STOX1: variants seen among roughly 807,000 people sequenced by gnomAD.
STOX1 encodes the protein storkhead box 1, also known as storkhead-box protein 1.
A neutral mutation model predicts 74.8 loss-of-function variants in STOX1; 57 were observed. The ratio of observed to expected loss-of-function variants is 0.76; its 90% CI spans 0.62 to 0.95. The LOEUF is 0.95. Ranked by LOEUF, STOX1 falls within the 40% of genes least tolerant of loss-of-function variation. The pLI is 0.00. For synonymous variants in STOX1, 375 were observed against 401.3 expected (o/e 0.93, Z 0.78); for missense variants, 1,010 against 1,117.0 (o/e 0.90, Z 1.37).
Position 68,843,953 on chromosome 10 carries a change from G to A in STOX1, c.310+16020G>A, listed in dbSNP as rs572829023. On this transcript the variant is annotated intron_variant, in intron 1 of 3. Transcript: ENST00000298596. ...CCCAGCACTTTGGGAGGCCGAGGCG[G>A]GTGGATCACAAGGTCAGGAGATCGA... 3.9e-5 allele frequency among the ~76,000 whole-genome samples: 6 copies of A among 152,186 alleles called. No homozygotes were observed. The East Asian group carries it at 5.9e-4, about 15-fold the overall frequency.
intron 1 of STOX1, among the ~76,000 whole-genome samples, chr10:68,853,719 T>C (rs75393971): frequency 1.3e-5 from 2 of 152,106 alleles, no homozygotes; most frequent in African/African-American, 2.4e-5. Flanking sequence ...GGAGTTTCAC[T>C]CTTGCTGCCA....
intron 1 of STOX1, among the ~76,000 whole-genome samples, chr10:68,855,545 C>A (rs964855441): frequency 6.6e-6 from 1 of 151,816 alleles, no homozygotes. Context: ...CTTAAGCGAT[C>A]CTCCCGCCTC....
Position 68,860,832 on chromosome 10 carries a change from A to G in STOX1, c.311-21126A>G, listed in dbSNP as rs140205056. ...AGTAGGGCTAGTAGAAGGCTTTGGCAGTGTATGTTCCTTCTTCTTAGGTGA... is the reference window on the plus strand; with the variant it reads ...AGTAGGGCTAGTAGAAGGCTTTGGCGGTGTATGTTCCTTCTTCTTAGGTGA... On this transcript the variant is annotated intron_variant, in intron 1 of 3. Transcript: ENST00000298596. Among the ~76,000 whole-genome samples, 85 of 152,190 alleles carry G rather than the reference A, an allele frequency of 5.6e-4. 2 individuals are homozygous for G. Among genetic ancestry groups the G allele is most frequent in the African/African-American group, 2.0e-3 (82 of 41,446 alleles).
intron 1 of STOX1, among the ~76,000 whole-genome samples, chr10:68,841,138 G>A (rs534285417): frequency 1.7e-3 from 252 of 151,824 alleles, no homozygotes; most frequent in African/African-American, 5.3e-3. Context: ...GTAGAGACGC[G>A]GTTTCACCAT....
At position 68,885,317 on chromosome 10, in the gene STOX1, A is replaced by G; in HGVS notation, c.1521A>G (p.Ile507Met). 3.1e-6 allele frequency: 5 copies of G among 1,614,212 alleles called. No individual in the cohort carries two copies. Among genetic ancestry groups the G allele is most frequent in the Non-Finnish European group, 4.2e-6 (5 of 1,180,032 alleles). ...FQGLSHRGST[I>M]SKGHKIQKTS... is the part of the protein sequence containing the mutation. ...GTTTGTCTCACCGAGGAAGCACAAT[A>G]TCCAAAGGGCACAAAATTCAGAAGA... is the stretch of plus-strand genomic sequence containing the variant. Residue 507 changes from isoleucine to methionine, a missense_variant, in exon 3 of 4, where the codon ATA becomes ATG. Transcript: ENST00000298596.
chr10:68,839,867 T>TC (rs1839650461), intron 1 of STOX1, among the ~76,000 whole-genome samples: 2 of 151,918 alleles, frequency 1.3e-5, no homozygotes, highest in Non-Finnish European at 2.9e-5. Context: ...AGAGTGAGAC[T>TC]CCGTTTCAAA....
intron 1 of STOX1, among the ~76,000 whole-genome samples, chr10:68,858,404 T>C (rs376719138): frequency 1.3e-5 from 2 of 152,122 alleles, no homozygotes; most frequent in East Asian, 1.9e-4. Context: ...CACCCAGATA[T>C]AACCTGAAAC....
chr10:68,856,607 G>T (rs577124666), intron 1 of STOX1, among the ~76,000 whole-genome samples: 1 of 152,034 alleles, frequency 6.6e-6, no homozygotes, highest in African/African-American at 2.4e-5. Flanking sequence ...AGATCAGCTG[G>T]GGTAGGAAGG....
intron 1 of STOX1, among the ~76,000 whole-genome samples, chr10:68,880,320 A>G (rs770530200): frequency 9.9e-5 from 15 of 151,970 alleles, no homozygotes; most frequent in Non-Finnish European, 1.9e-4. Context: ...CAGCTACGAC[A>G]GGCACACCAC....
chr10:68,879,901 T>C (rs547573777), intron 1 of STOX1, among the ~76,000 whole-genome samples: 1 of 152,256 alleles, frequency 6.6e-6, no homozygotes, highest in African/African-American at 2.4e-5. Context: ...TGGCTACTTA[T>C]CCCAGTTTGC....
intron 3 of STOX1, among the ~76,000 whole-genome samples, chr10:68,891,006 A>C (rs1464790907): frequency 3.9e-5 from 6 of 152,324 alleles, no homozygotes; most frequent in African/African-American, 1.4e-4. Flanking sequence ...ATGGTGGTGT[A>C]AACCAAAAAG....
At chr10:68,852,042 C>T (rs1472204538) in intron 1 of STOX1, among the ~76,000 whole-genome samples, 2 of 151,712 alleles carry the variant, frequency 1.3e-5, no homozygotes, top group African/African-American at 4.8e-5. Context: ...GCTGAGGTAG[C>T]AGAAACGCTT....
intron 1 of STOX1, among the ~76,000 whole-genome samples, chr10:68,859,570 T>A (rs2133556259): frequency 6.6e-6 from 1 of 152,204 alleles, no homozygotes; most frequent in South Asian, 2.1e-4. Context: ...ATTTAGTGTG[T>A]TGTCAAATCC....
chr10:68,832,537 G>A (rs1839437495), intron 1 of STOX1, among the ~76,000 whole-genome samples: 1 of 152,080 alleles, frequency 6.6e-6, no homozygotes, highest in Non-Finnish European at 1.5e-5. Flanking sequence ...GCCCGGCATG[G>A]TGGCACGTGC....
At chr10:68,828,865 T>A (rs1405769914) in intron 1 of STOX1, 18 of 548,966 alleles carry the variant, frequency 3.3e-5, no homozygotes, top group Non-Finnish European at 4.2e-5. Context: ...ACCTTCCCAG[T>A]CTTTTCAAAC....
intron 1 of STOX1, among the ~76,000 whole-genome samples, chr10:68,869,094 C>T (rs1374652004): frequency 1.3e-5 from 2 of 152,186 alleles, no homozygotes; most frequent in East Asian, 1.9e-4. Context: ...TCTTCTTCCT[C>T]GTGATGGTCC....
At chr10:68,877,042 C>T (rs1840698795) in intron 1 of STOX1, among the ~76,000 whole-genome samples, 1 of 152,174 alleles carries the variant, frequency 6.6e-6, no homozygotes, top group African/African-American at 2.4e-5. Context: ...AAAGGAAACT[C>T]GATGATTTGT....
At chr10:68,850,288 A>G (rs111384365) in intron 1 of STOX1, among the ~76,000 whole-genome samples, 2,897 of 152,296 alleles carry the variant, frequency 0.019, 112 homozygotes, top group African/African-American at 0.066. Flanking sequence ...GATTACAGGC[A>G]TCAGCCACTG....
intron 1 of STOX1, among the ~76,000 whole-genome samples, chr10:68,867,972 TA>T (rs138754500): frequency 0.043 from 6,570 of 152,378 alleles, 321 homozygotes; most frequent in African/African-American, 0.12. Flanking sequence ...ACCCTTGTCT[TA>T]TTTTTACCCT....
Sources: gnomAD v4.1 joint callset for allele counts (sites outside exome capture counted in the v4.1 genomes callset) on GRCh38, gnomAD v4.1.1 for gene constraint, MANE v1.5 for transcripts, NCBI Gene and HGNC (gene_info 2026-07-23, HGNC 2026-07-21) for gene names.